BMERB1: variants seen among roughly 807,000 people sequenced by gnomAD.
BMERB1 encodes bMERB domain containing 1.
In BMERB1, 12 loss-of-function variants were observed where a neutral mutation model predicts 23.6. The observed-to-expected ratio is 0.51, with a 90% confidence interval of 0.33 to 0.82. BMERB1 has a LOEUF of 0.82. Among genes scored for constraint, BMERB1 ranks in the 40% least tolerant of loss-of-function variants. BMERB1 has a pLI of 0.03. For synonymous variants in BMERB1, 122 were observed against 96.6 expected, an observed-to-expected ratio of 1.26 and a Z score of -1.54; for missense variants, 247 against 255.4, an observed-to-expected ratio of 0.97 and a Z score of 0.22.
intron 5 of BMERB1, among the ~76,000 whole-genome samples, chr16:15,585,660 T>C (rs1487299040): frequency 6.6e-6 from 1 of 152,088 alleles, no homozygotes; most frequent in Non-Finnish European, 1.5e-5. Context: ...TGAAACCTTG[T>C]CTCTGCTAAA....
At chr16:15,584,324 C>CTTTTTTAA in intron 5 of BMERB1, 14 of 325,560 alleles carry the variant, frequency 4.3e-5, no homozygotes, top group Admixed American at 1.4e-4. Context: ...CTTTGGGAGG[C>CTTTTTTAA]CGAGGCGGGC....
At chr16:15,435,139 C>T (rs576531820) in intron 1 of BMERB1, among the ~76,000 whole-genome samples, 53 of 152,364 alleles carry the variant, frequency 3.5e-4, no homozygotes, top group Middle Eastern at 6.8e-3. Context: ...GACGCGGGAC[C>T]GTCCTGGAAA....
chr16:15,498,602 AAGG>A (rs909808665), intron 1 of BMERB1, among the ~76,000 whole-genome samples: 22 of 151,706 alleles, frequency 1.5e-4, no homozygotes, highest in Middle Eastern at 3.4e-3. Flanking sequence ...GGAAGGGAGA[AAGG>A]AAGGAAGGAA....
chr16:15,436,681 TC>T (rs888784143), intron 1 of BMERB1, among the ~76,000 whole-genome samples: 6 of 152,014 alleles, frequency 3.9e-5, no homozygotes, highest in African/African-American at 1.5e-4. Flanking sequence ...CATCTCTGTG[TC>T]CCCCCATCCC....
chr16:15,542,121 T>G (rs1302733855), intron 2 of BMERB1, among the ~76,000 whole-genome samples: 1 of 148,418 alleles, frequency 6.7e-6, no homozygotes, highest in African/African-American at 2.5e-5. Flanking sequence ...TGGAGTGCAG[T>G]GGCATGATTG....
rs116246444 is a variant in BMERB1, at chr16:15,467,415, T to A, written c.106+32656T>A. Among the ~76,000 whole-genome samples, 931 of 152,322 alleles carry A rather than the reference T, an allele frequency of 6.1e-3. 14 individuals carry two copies. The highest frequency in any genetic ancestry group is 0.022 in the African/African-American group (909 of 41,558). On this transcript the variant is annotated intron_variant, in intron 1 of 5. Transcript: ENST00000300006. ...GGTGTGCAGTGACATCTTGTGGTTT[T>A]AATTTGCATTTTCTTTATATCTAAT... is the stretch of plus-strand genomic sequence containing the variant.
chr16:15,508,753 G>A (rs1419747663), intron 1 of BMERB1, among the ~76,000 whole-genome samples: 1 of 150,500 alleles, frequency 6.6e-6, no homozygotes, highest in African/African-American at 2.5e-5. Flanking sequence ...TTGAGCCCGG[G>A]AGGTTGAGGC....
Position 15,515,382 on chromosome 16 carries a change from C to A in BMERB1, c.184C>A (p.Arg62Ser), listed in dbSNP as rs184756574. ...TGAGCTGGAGATGGCAAAAATTCAG[C>A]GTCTCCGGGAAGTCTTGGTCCGCCG... ...EIELEMAKIQ[R>S]LREVLVRRES... Residue 62 changes from arginine to serine, a missense_variant, in exon 2 of 6, where the codon CGT (arginine) becomes AGT (serine). Physicochemically the swap from Arg to Ser is moderately radical, Grantham distance 110. Transcript: ENST00000300006. 4 of 1,613,952 alleles carry A rather than the reference C, an allele frequency of 2.5e-6. No homozygotes were observed. Among genetic ancestry groups the A allele is most frequent in the Non-Finnish European group, 3.4e-6 (4 of 1,179,992 alleles).
At chr16:15,501,222 C>G (rs931765003) in intron 1 of BMERB1, among the ~76,000 whole-genome samples, 4 of 151,818 alleles carry the variant, frequency 2.6e-5, no homozygotes, top group Non-Finnish European at 5.9e-5. Flanking sequence ...TCAAGTGATC[C>G]CCCTGCCTCA....
At chr16:15,480,554 T>C (rs1442832060) in intron 1 of BMERB1, among the ~76,000 whole-genome samples, 1 of 151,120 alleles carries the variant, frequency 6.6e-6, no homozygotes, top group Non-Finnish European at 1.5e-5. Flanking sequence ...GTGCCTAGAC[T>C]CTTTTTCTAT....
intron 1 of BMERB1, 144 bp downstream of exon 1, chr16:15,434,903 C>A: frequency 1.5e-6 from 1 of 666,900 alleles, no homozygotes; most frequent in Non-Finnish European, 2.5e-6. Context: ...GGGGGATACG[C>A]AGCTCTGCGC....
rs770743056 is a variant in BMERB1 at position 15,475,612 on chromosome 16, A to G, written c.107-39693A>G. On this transcript the variant is annotated intron_variant, in intron 1 of 5. Coordinates refer to ENST00000300006, the MANE Select transcript of BMERB1 (RefSeq NM_033201.3). ...GTGACAAAATGAATGGAGTATGTCA[A>G]CCAGGGAAGCTCACTCAAGCCTTGG... 2.6e-4 allele frequency among the ~76,000 whole-genome samples: 39 copies of G among 152,184 alleles called. 1 individual carries two copies. Among genetic ancestry groups the G allele is most frequent in the Admixed American group, 3.3e-4 (5 of 15,274 alleles).
chr16:15,522,562 CA>C (rs1478463446), intron 2 of BMERB1, among the ~76,000 whole-genome samples: 1 of 152,186 alleles, frequency 6.6e-6, no homozygotes, highest in Non-Finnish European at 1.5e-5. Context: ...TATCACCATC[CA>C]GGCAGAAAAT....
chr16:15,462,675 C>G (rs2051146064), intron 1 of BMERB1, among the ~76,000 whole-genome samples: 1 of 152,046 alleles, frequency 6.6e-6, no homozygotes, highest in African/African-American at 2.4e-5. Context: ...ACAGAGCGTT[C>G]AAGAGTCTGA....
chr16:15,477,155 C>T (rs1039094209), intron 1 of BMERB1, among the ~76,000 whole-genome samples: 2 of 152,092 alleles, frequency 1.3e-5, no homozygotes, highest in Non-Finnish European at 2.9e-5. Flanking sequence ...TCAGTTGACT[C>T]ACCCTTCCAC....
intron 2 of BMERB1, among the ~76,000 whole-genome samples, chr16:15,564,536 G>A (rs959439836): frequency 6.6e-6 from 1 of 152,132 alleles, no homozygotes; most frequent in Non-Finnish European, 1.5e-5. Flanking sequence ...GTCTATAATT[G>A]GTTTATTTGC....
At chr16:15,505,598 A>C (rs975217702) in intron 1 of BMERB1, among the ~76,000 whole-genome samples, 8 of 152,174 alleles carry the variant, frequency 5.3e-5, no homozygotes, top group Non-Finnish European at 7.3e-5. Flanking sequence ...GAGTAAAAAA[A>C]GTCAATGTCG....
Position 15,586,803 on chromosome 16 carries a change from G to A in BMERB1, c.589G>A (p.Gly197Arg), listed in dbSNP as rs763650544. Residue 197 changes from glycine (G) to arginine (R), a missense_variant, in exon 6 of 6, where the codon GGG (glycine) becomes AGG (arginine). Transcript: ENST00000300006. ...GCTGGCACTGATCAAGGATTGTTGC[G>A]GGGCCACCCAGTGCAACATCATGTA... ...TGLALIKDCC[G>R]ATQCNIM is the part of the protein sequence containing the mutation. 1.1e-5 allele frequency: 18 copies of A among 1,609,822 alleles called. No individual in the cohort carries two copies. The highest frequency in any genetic ancestry group is 3.4e-5 in the Admixed American group (2 of 59,346).
At chr16:15,480,804 G>A (rs1027167213) in intron 1 of BMERB1, among the ~76,000 whole-genome samples, 2 of 151,494 alleles carry the variant, frequency 1.3e-5, no homozygotes, top group African/African-American at 4.8e-5. Flanking sequence ...GGTAGAGATG[G>A]GTTTTCACCA....
Sources: gnomAD v4.1 joint callset for allele counts (sites outside exome capture counted in the v4.1 genomes callset) on GRCh38, gnomAD v4.1.1 for gene constraint, MANE v1.5 for transcripts, NCBI Gene and HGNC (gene_info 2026-07-23, HGNC 2026-07-21) for gene names.